The following LHFPL3 variants were observed in gnomAD, a reference collection of about 807,000 sequenced individuals.
LHFPL3 encodes LHFPL tetraspan subfamily member 3 protein.
LHFPL3 carries 5 observed loss-of-function variants against 19.3 expected under a neutral mutation model. That is an observed-to-expected ratio of 0.26 (90% CI 0.14 to 0.54). The LOEUF is 0.54. Among genes scored for constraint, LHFPL3 ranks in the 20% least tolerant of loss-of-function variants. LHFPL3 has a pLI of 0.94. For synonymous variants in LHFPL3, 133 were observed against 126.2 expected (o/e 1.05, Z -0.36); for missense variants, 249 against 307.4 (o/e 0.81, Z 1.42).
At chr7:104,566,016 C>T (rs1790117225) in intron 1 of LHFPL3, among the ~76,000 whole-genome samples, 1 of 151,948 alleles carries the variant, frequency 6.6e-6, no homozygotes, top group Non-Finnish European at 1.5e-5. Context: ...GAGGTAGGAA[C>T]TGGGAGGAAA....
chr7:104,534,028 A>G (rs1470280162), intron 1 of LHFPL3, among the ~76,000 whole-genome samples: 1 of 152,134 alleles, frequency 6.6e-6, no homozygotes, highest in East Asian at 1.9e-4. Flanking sequence ...ATCAATGAAC[A>G]TGTCCTGCAC....
chr7:104,498,141 G>T (rs939883857), intron 1 of LHFPL3, among the ~76,000 whole-genome samples: 3 of 152,206 alleles, frequency 2.0e-5, no homozygotes, highest in African/African-American at 4.8e-5. Flanking sequence ...AATAATGCCT[G>T]TACCACAGGG....
chr7:104,537,226 G>C (rs1475354594), intron 1 of LHFPL3, among the ~76,000 whole-genome samples: 2 of 152,126 alleles, frequency 1.3e-5, no homozygotes, highest in African/African-American at 2.4e-5. Flanking sequence ...TCTAAAAAGA[G>C]ACTTGGAGAT....
chr7:104,383,183 C>G (rs1165775455), intron 1 of LHFPL3, among the ~76,000 whole-genome samples: 4 of 152,304 alleles, frequency 2.6e-5, no homozygotes, highest in East Asian at 1.9e-4. Context: ...TTTAGCTTCC[C>G]CCATCTTTCC....
At chr7:104,494,656 A>G (rs920449062) in intron 1 of LHFPL3, among the ~76,000 whole-genome samples, 1 of 152,122 alleles carries the variant, frequency 6.6e-6, no homozygotes, top group Non-Finnish European at 1.5e-5. Context: ...AGTCAAATCA[A>G]GCCTGCTGAC....
At chr7:104,838,186 T>C (rs945873560) in intron 2 of LHFPL3, among the ~76,000 whole-genome samples, 1 of 152,138 alleles carries the variant, frequency 6.6e-6, no homozygotes, top group Non-Finnish European at 1.5e-5. Context: ...TGAGAACCAT[T>C]TGAGGAACTT....
intron 1 of LHFPL3, among the ~76,000 whole-genome samples, chr7:104,564,002 G>T (rs1584405026): frequency 6.6e-6 from 1 of 152,188 alleles, no homozygotes; most frequent in East Asian, 1.9e-4. Flanking sequence ...ACCATTTATT[G>T]GGTGCTCATT....
At chr7:104,830,656 T>C (rs1790933845) in intron 2 of LHFPL3, among the ~76,000 whole-genome samples, 1 of 151,954 alleles carries the variant, frequency 6.6e-6, no homozygotes, top group Non-Finnish European at 1.5e-5. Flanking sequence ...CAAGTGGCAT[T>C]ATTTCTGAGG....
Position 104,893,215 on chromosome 7 carries a change from A to T in LHFPL3, c.683-12972A>T, listed in dbSNP as rs762790784. ...GCTGACAAGGCAAGACTCTGTCTCT[A>T]AAAAAAAAAAAAAATTGGCCTGGCA... On this transcript the variant is annotated intron_variant, in intron 2 of 2. Coordinates refer to ENST00000424859, the MANE Select transcript of LHFPL3 (RefSeq NM_199000.3). Among the ~76,000 whole-genome samples, 4 of 139,934 alleles carry T rather than the reference A, an allele frequency of 2.9e-5. No homozygotes were observed. In the East Asian group the frequency reaches 8.2e-4, roughly 29 times the overall value. The allele number at this position is 139,934 out of a possible 152,430, so 91.8% of individuals were successfully genotyped here. A position where few individuals can be genotyped will look rare whatever the true frequency, so the allele number is the denominator to read the frequency against.
chr7:104,549,675 T>A (rs1285487764), intron 1 of LHFPL3, among the ~76,000 whole-genome samples: 1 of 152,110 alleles, frequency 6.6e-6, no homozygotes, highest in Non-Finnish European at 1.5e-5. Context: ...TCTGAAGATA[T>A]CTATTACGTG....
chr7:104,831,053 A>G (rs1263462493), intron 2 of LHFPL3, among the ~76,000 whole-genome samples: 1 of 151,992 alleles, frequency 6.6e-6, no homozygotes, highest in Non-Finnish European at 1.5e-5. Flanking sequence ...AGGACTAGAA[A>G]GAATAAAAAA....
In LHFPL3 at chr7:104,832,098, G is replaced by A. The variant is rs117455780; in HGVS notation, c.683-74089G>A. On this transcript the variant is annotated intron_variant, in intron 2 of 2. Transcript: ENST00000424859. Reference sequence around the variant, plus strand: ...GAGTGAGAAAACTTTAAAATGAATTGAAACTCACAGAAGTCAGCATTAGCC... The same window carrying A: ...GAGTGAGAAAACTTTAAAATGAATTAAAACTCACAGAAGTCAGCATTAGCC... 3.4e-3 allele frequency among the ~76,000 whole-genome samples: 524 copies of A among 152,010 alleles called. 15 individuals are homozygous for A. The East Asian group carries it at 0.055, about 16-fold the overall frequency.
intron 1 of LHFPL3, among the ~76,000 whole-genome samples, chr7:104,356,985 A>C (rs1370737253): frequency 6.6e-6 from 1 of 152,200 alleles, no homozygotes; most frequent in Non-Finnish European, 1.5e-5. Flanking sequence ...GAAGCTTAAA[A>C]GGCAAAAGCC....
chr7:104,704,262 C>A (rs1434309310), intron 1 of LHFPL3, among the ~76,000 whole-genome samples: 1 of 152,166 alleles, frequency 6.6e-6, no homozygotes, highest in Non-Finnish European at 1.5e-5. Context: ...TTTAATAACA[C>A]AGCACTGCCT....
At chr7:104,747,183 C>G (rs1197981165) in intron 2 of LHFPL3, among the ~76,000 whole-genome samples, 2 of 152,194 alleles carry the variant, frequency 1.3e-5, no homozygotes, top group Admixed American at 1.3e-4. Context: ...GGAACTCAAA[C>G]TGTGTAGCTA....
At chr7:104,456,988 C>G (rs913100737) in intron 1 of LHFPL3, among the ~76,000 whole-genome samples, 2 of 152,102 alleles carry the variant, frequency 1.3e-5, no homozygotes, top group African/African-American at 2.4e-5. Context: ...TAAGGGGGGA[C>G]TGTTGTACAT....
intron 2 of LHFPL3, among the ~76,000 whole-genome samples, chr7:104,739,272 G>T (rs923024910): frequency 2.0e-5 from 3 of 152,104 alleles, no homozygotes. Context: ...TTATTGTTTG[G>T]TATTATTTAA....
intron 1 of LHFPL3, among the ~76,000 whole-genome samples, chr7:104,520,383 A>G (rs1403459926): frequency 6.8e-6 from 1 of 146,660 alleles, no homozygotes. Flanking sequence ...ATCAATGTTC[A>G]TCAAGGATAT....
rs570949059 is a variant in LHFPL3 at position 104,752,716 on chromosome 7, G to A, written c.682+15805G>A. 1,434 of 393,444 alleles carry A rather than the reference G, an allele frequency of 3.6e-3. 17 individuals are homozygous for A. Among genetic ancestry groups the A allele is most frequent in the African/African-American group, 0.024 (1,158 of 48,304 alleles). The allele number at this position is 393,444 out of a possible 1,614,324, so 24.4% of individuals were successfully genotyped here. Reference sequence around the variant, plus strand: ...CTTCTTCCGAGCGCACAAGCTTACCGTAAGGCTGACTGTAGACGTACTCGG... The same window carrying A: ...CTTCTTCCGAGCGCACAAGCTTACCATAAGGCTGACTGTAGACGTACTCGG... On this transcript the variant is annotated intron_variant, in intron 2 of 2. Coordinates refer to ENST00000424859, the MANE Select transcript of LHFPL3 (RefSeq NM_199000.3).
Sources: gnomAD v4.1 joint callset for allele counts (sites outside exome capture counted in the v4.1 genomes callset) on GRCh38, gnomAD v4.1.1 for gene constraint, MANE v1.5 for transcripts, NCBI Gene and HGNC (gene_info 2026-07-23, HGNC 2026-07-21) for gene names.